Variants in SCO1 observed in about 807,000 individuals in gnomAD.
The protein encoded by SCO1 is synthesis of cytochrome C oxidase 1, also known as cytochrome c oxidase assembly factor SCO1.
Under a neutral mutation model 34.0 loss-of-function variants are expected in SCO1, and 23 were observed. The ratio of observed to expected loss-of-function variants is 0.68; its 90% CI spans 0.49 to 0.96. The LOEUF is 0.96. Among genes scored for constraint, SCO1 ranks in the 40% least tolerant of loss-of-function variants. SCO1 has a pLI of 0.00. For missense variants in SCO1, 404 were observed against 381.6 expected (o/e 1.06, Z -0.49); for synonymous variants, 161 against 145.5 (o/e 1.11, Z -0.77).
chr17:10,686,647 G>A (rs2074658283), intron 5 of SCO1, 80 bp downstream of exon 5: 1 of 875,496 alleles, frequency 1.1e-6, no homozygotes, highest in African/African-American at 1.6e-5. Context: ...CTTCTCAGAA[G>A]CTAGTCAGTC....
At position 10,674,443 on chromosome 17, in the gene SCO1, CA is replaced by C; in HGVS notation, c.*6675del. ...CTCCATCTCAAAACAAACAAACAAACAAACAAAAAAACAGACTGTGATTGAG... is the reference window on the plus strand; with the variant it reads ...CTCCATCTCAAAACAAACAAACAAACAACAAAAAAACAGACTGTGATTGAG... On this transcript the variant is annotated 3_prime_UTR_variant, in exon 6 of 6. Coordinates refer to ENST00000255390, the MANE Select transcript of SCO1 (RefSeq NM_004589.4). 1 of 288,558 alleles carries C rather than the reference CA, an allele frequency of 3.5e-6. No individual in the cohort carries two copies. The highest frequency in any genetic ancestry group is 3.1e-5 in the South Asian group (1 of 32,250). 17.9% of individuals were successfully genotyped at this position (288,558 alleles called of 1,614,324 possible). A position where few individuals can be genotyped will look rare whatever the true frequency, so the allele number is the denominator to read the frequency against.
intron 4 of SCO1, among the ~76,000 whole-genome samples, chr17:10,688,757 TAGTC>T (rs1365012876): frequency 6.6e-6 from 1 of 152,232 alleles, no homozygotes; most frequent in Admixed American, 6.5e-5. Flanking sequence ...GGTGAACTAT[TAGTC>T]AGCAACAAAA....
intron 4 of SCO1, 130 bp downstream of exon 4, chr17:10,691,742 T>A (rs1174529518): frequency 2.9e-6 from 2 of 683,930 alleles, no homozygotes; most frequent in East Asian, 2.8e-5. Context: ...TAGCTTCACC[T>A]TTTTATTCAC....
chr17:10,692,692 A>G, intron 3 of SCO1, 72 bp downstream of exon 3: 2 of 1,239,342 alleles, frequency 1.6e-6, no homozygotes, highest in South Asian at 2.4e-5. Context: ...CCTAACAATA[A>G]TACAAGGGTG....
chr17:10,689,110 C>T (rs113575193), intron 4 of SCO1, among the ~76,000 whole-genome samples: 5 of 48,882 alleles, frequency 1.0e-4, no homozygotes, highest in Admixed American at 2.4e-4. Flanking sequence ...AGCGAGACTC[C>T]GTCTCAAAAA....
intron 2 of SCO1, chr17:10,695,506 T>A: frequency 4.3e-6 from 2 of 468,878 alleles, no homozygotes; most frequent in Non-Finnish European, 7.8e-6. Flanking sequence ...AATCTGTAAT[T>A]TAATAGTTGT....
rs1225179046 is a variant in SCO1, at chr17:10,686,685, C to T, written c.771+42G>A. ...TGAAAGCCTTATGACTATTTGGGAT[C>T]TGGGAGCTGGTCCATGGGTTAAAAC... On this transcript the variant is annotated intron_variant, in intron 5 of 5. Coordinates refer to ENST00000255390, the MANE Select transcript of SCO1 (RefSeq NM_004589.4). 1.0e-5 allele frequency: 12 copies of T among 1,186,204 alleles called. 1 individual carries two copies. The highest frequency in any genetic ancestry group is 1.5e-5 in the African/African-American group (1 of 66,808). 73.5% of individuals were successfully genotyped at this position (1,186,204 alleles called of 1,614,324 possible). A position where few individuals can be genotyped will look rare whatever the true frequency, so the allele number is the denominator to read the frequency against.
At chr17:10,689,115 C>CACA (rs2074675220) in intron 4 of SCO1, among the ~76,000 whole-genome samples, 1 of 67,924 alleles carries the variant, frequency 1.5e-5, no homozygotes, top group Non-Finnish European at 2.5e-5. Context: ...GACTCCGTCT[C>CACA]AAAAAAAAAA....
rs115839831 is a variant in SCO1 at position 10,672,844 on chromosome 17, T to A, written c.*8275A>T. The A allele has an allele frequency of 3.2e-3, 495 of 152,334 alleles. No individual in the cohort carries two copies. The highest frequency in any genetic ancestry group is 0.011 in the African/African-American group (465 of 41,586). 9.4% of individuals were successfully genotyped at this position (152,334 alleles called of 1,614,324 possible). A position where few individuals can be genotyped will look rare whatever the true frequency, so the allele number is the denominator to read the frequency against. On this transcript the variant is annotated 3_prime_UTR_variant, in exon 6 of 6. Coordinates refer to ENST00000255390, the MANE Select transcript of SCO1 (RefSeq NM_004589.4). ...TATTATAGATTCTGTGTGGTTATTG[T>A]GAATTTAGTAATTTTTAAATACAGT...
chr17:10,686,936 C>T, intron 4 of SCO1, 94 bp from the exon 5 acceptor site: 1 of 783,100 alleles, frequency 1.3e-6, no homozygotes, highest in Non-Finnish European at 2.3e-6. Context: ...AGCAGCTCTA[C>T]TGCCACTTTC....
chr17:10,688,569 G>C (rs1446066317), intron 4 of SCO1, among the ~76,000 whole-genome samples: 1 of 152,168 alleles, frequency 6.6e-6, no homozygotes, highest in Non-Finnish European at 1.5e-5. Context: ...TACCATTTTG[G>C]AAAACAGGTT....
chr17:10,690,968 C>G (rs772722452), intron 4 of SCO1, among the ~76,000 whole-genome samples: 1 of 152,012 alleles, frequency 6.6e-6, no homozygotes, highest in Non-Finnish European at 1.5e-5. Flanking sequence ...CATATTCATA[C>G]GTGGAAACTA....
At position 10,674,898 on chromosome 17, in the gene SCO1, C is replaced by G. The variant is rs2074570581; in HGVS notation, c.*6221G>C. The G allele has an allele frequency of 6.6e-6, 1 of 152,230 alleles. No individual in the cohort carries two copies. Among genetic ancestry groups the G allele is most frequent in the Non-Finnish European group, 1.5e-5 (1 of 68,078 alleles). The allele number at this position is 152,230 out of a possible 1,614,324, so 9.4% of individuals were successfully genotyped here. A position where few individuals can be genotyped will look rare whatever the true frequency, so the allele number is the denominator to read the frequency against. ...TCAAACACAGTGGTAATGTCCCTGGCTTACTCCATCAAAATGCAGTGAGCA... is the reference window on the plus strand; with the variant it reads ...TCAAACACAGTGGTAATGTCCCTGGGTTACTCCATCAAAATGCAGTGAGCA... On this transcript the variant is annotated 3_prime_UTR_variant, in exon 6 of 6. Coordinates refer to ENST00000255390, the MANE Select transcript of SCO1 (RefSeq NM_004589.4).
intron 4 of SCO1, among the ~76,000 whole-genome samples, chr17:10,688,989 G>A (rs1237532401): frequency 3.4e-5 from 5 of 148,148 alleles, no homozygotes; most frequent in South Asian, 2.1e-4. Context: ...GGTAGCGGGC[G>A]CCTGTAGTCC....
intron 5 of SCO1, among the ~76,000 whole-genome samples, chr17:10,685,970 G>C (rs910437554): frequency 2.0e-5 from 3 of 152,240 alleles, no homozygotes; most frequent in African/African-American, 7.2e-5. Context: ...GCTCAGGCCT[G>C]TAATCCCAGC....
Position 10,686,797 on chromosome 17 carries a change from A to G in SCO1, c.701T>C (p.Val234Ala). 6.2e-7 allele frequency: 1 copy of G among 1,613,924 alleles called. No homozygotes were observed. The highest frequency in any genetic ancestry group is 2.2e-5 in the East Asian group (1 of 44,862). Residue 234 changes from valine (V) to alanine (A), a missense_variant, in exon 5 of 6, where the codon GTC (valine) becomes GCC (alanine). Val to Ala is a moderately conservative substitution (Grantham distance 64). Coordinates refer to ENST00000255390, the MANE Select transcript of SCO1 (RefSeq NM_004589.4). ...TCTGTATGCTCTGGCCACTTGATCG[A>G]CCTCTTCTCTCGTGCCAGTCAAGCC... Reference protein sequence around the residue: ...LVGLTGTREEVDQVARAYRVY... With the variant: ...LVGLTGTREEADQVARAYRVY...
intron 4 of SCO1, among the ~76,000 whole-genome samples, chr17:10,687,840 G>A (rs964181175): frequency 6.6e-6 from 1 of 152,136 alleles, no homozygotes; most frequent in Admixed American, 6.5e-5. Context: ...ACAGCAACTC[G>A]AATGTCTACT....
Position 10,686,835 on chromosome 17 carries a change from A to G in SCO1, c.663T>C (p.Ser221=). 1 of 1,608,450 alleles carries G rather than the reference A, an allele frequency of 6.2e-7. No homozygotes were observed. Among genetic ancestry groups the G allele is most frequent in the Non-Finnish European group, 8.5e-7 (1 of 1,174,856 alleles). ...EAIANYVKEF[S]PKLVGLTGTR... Reference sequence around the variant, plus strand: ...TGCCAGTCAAGCCAACCAGTTTGGGAGAAAATTCTAAATAAAAAATGAGAG... The same window carrying G: ...TGCCAGTCAAGCCAACCAGTTTGGGGGAAAATTCTAAATAAAAAATGAGAG... The change falls in exon 5 of 6, where the codon TCT becomes TCC. Residue 221 remains serine (S), a synonymous_variant. Transcript: ENST00000255390.
At chr17:10,696,425 A>T (rs2074727158) in intron 1 of SCO1, among the ~76,000 whole-genome samples, 1 of 152,188 alleles carries the variant, frequency 6.6e-6, no homozygotes, top group Non-Finnish European at 1.5e-5. Flanking sequence ...AGCCTGGGCA[A>T]AAGAGCAAAA....
Sources: allele counts gnomAD v4.1 joint callset (sites outside exome capture counted in the v4.1 genomes callset), GRCh38; gene constraint gnomAD v4.1.1; transcripts MANE v1.5; gene names NCBI Gene and HGNC (gene_info 2026-07-23, HGNC 2026-07-21).